The following SLC39A11 variants were observed in gnomAD, a reference collection of about 807,000 sequenced individuals.
The protein encoded by SLC39A11 is zinc transporter ZIP11.
Under a neutral mutation model 36.1 loss-of-function variants are expected in SLC39A11, and 33 were observed. The observed-to-expected ratio is 0.91, with a 90% confidence interval of 0.69 to 1.22. The LOEUF (loss-of-function observed/expected upper bound fraction) is 1.22, where lower values mean the gene tolerates loss of function less well. SLC39A11 is among the 50% of genes most tolerant of loss of function. The pLI, the probability that SLC39A11 is intolerant of heterozygous loss-of-function variation, is 0.00. For synonymous variants in SLC39A11, 166 were observed against 170.3 expected, an observed-to-expected ratio of 0.97 and a Z score of 0.20; for missense variants, 432 against 430.3, an observed-to-expected ratio of 1.00 and a Z score of -0.03.
intron 4 of SLC39A11, among the ~76,000 whole-genome samples, chr17:72,949,177 T>TTTTTTTTTTTG (rs2085676615): frequency 8.8e-6 from 1 of 113,034 alleles, no homozygotes; most frequent in African/African-American, 4.7e-5. Flanking sequence ...TTTTTTTTTT[T>TTTTTTTTTTTG]GAGACAGAGT....
At chr17:72,694,084 T>C (rs1462963093) in intron 7 of SLC39A11, among the ~76,000 whole-genome samples, 1 of 152,138 alleles carries the variant, frequency 6.6e-6, no homozygotes, top group Non-Finnish European at 1.5e-5. Flanking sequence ...AGGAGGAAGA[T>C]AGAGGAGGTT....
At chr17:73,054,762 C>T (rs917379413) in intron 3 of SLC39A11, among the ~76,000 whole-genome samples, 1 of 145,926 alleles carries the variant, frequency 6.9e-6, no homozygotes, top group Admixed American at 7.1e-5. Context: ...GAGCCAAGAT[C>T]GTGCCATTGC....
chr17:72,699,054 C>G (rs1339766567), intron 7 of SLC39A11, among the ~76,000 whole-genome samples: 2 of 152,146 alleles, frequency 1.3e-5, no homozygotes, highest in Non-Finnish European at 2.9e-5. Context: ...TGGTCTCGAT[C>G]TCCTGACCTT....
intron 7 of SLC39A11, among the ~76,000 whole-genome samples, chr17:72,692,261 T>C (rs529732499): frequency 6.6e-6 from 1 of 152,180 alleles, no homozygotes; most frequent in Non-Finnish European, 1.5e-5. Flanking sequence ...ACCACCCGCC[T>C]CGGCCTCCCA....
Position 72,846,018 on chromosome 17 carries a change from C to CTTT in SLC39A11, c.601+3613_601+3615dup, listed in dbSNP as rs569100122. ...CCAATGAATCTCTCTCTCTCTCTCT[C>CTTT]TTTTTTTTTTTTTTTTTTTTTTTTT... On this transcript the variant is annotated intron_variant, in intron 6 of 9. Transcript: ENST00000255559. Among the ~76,000 whole-genome samples the CTTT allele has an allele frequency of 6.4e-3, 371 of 57,942 alleles. 61 individuals carry two copies. Among genetic ancestry groups the CTTT allele is most frequent in the African/African-American group, 0.022 (259 of 11,702 alleles). 38.0% of individuals were successfully genotyped at this position (57,942 alleles called of 152,430 possible). A position where few individuals can be genotyped will look rare whatever the true frequency, so the allele number is the denominator to read the frequency against.
At chr17:72,890,375 C>T (rs1250862180) in intron 5 of SLC39A11, among the ~76,000 whole-genome samples, 1 of 151,666 alleles carries the variant, frequency 6.6e-6, no homozygotes, top group Non-Finnish European at 1.5e-5. Flanking sequence ...TCAACTAGAC[C>T]AGTCATAGTA....
intron 5 of SLC39A11, among the ~76,000 whole-genome samples, chr17:72,882,132 C>G (rs1295018360): frequency 6.6e-6 from 1 of 152,152 alleles, no homozygotes; most frequent in Non-Finnish European, 1.5e-5. Context: ...GTGGGTGGAT[C>G]ACCAGAGGTC....
intron 4 of SLC39A11, among the ~76,000 whole-genome samples, chr17:72,999,888 G>A (rs181715454): frequency 8.5e-5 from 13 of 152,062 alleles, no homozygotes; most frequent in South Asian, 4.2e-4. Flanking sequence ...TTACAGGCAC[G>A]CGCCACCACA....
At chr17:72,793,378 C>T (rs2145109734) in intron 6 of SLC39A11, among the ~76,000 whole-genome samples, 1 of 152,282 alleles carries the variant, frequency 6.6e-6, no homozygotes, top group South Asian at 2.1e-4. Flanking sequence ...GACCCCACCC[C>T]TCCCTACTGT....
At chr17:72,957,367 A>G (rs1305391311) in intron 4 of SLC39A11, among the ~76,000 whole-genome samples, 2 of 152,222 alleles carry the variant, frequency 1.3e-5, no homozygotes, top group African/African-American at 2.4e-5. Context: ...GTGTAATATG[A>G]GGAACCCCAG....
chr17:73,058,958 TA>T lies in SLC39A11; in HGVS notation c.147+25849del, dbSNP rs369811634. Among the ~76,000 whole-genome samples the T allele has an allele frequency of 2.5e-3, 373 of 148,948 alleles. 1 individual carries two copies. Among genetic ancestry groups the T allele is most frequent in the East Asian group, 0.011 (56 of 5,128 alleles). ...TAGTGAGCAATTAAATAATAACTGT[TA>T]AAAAAAAAAGAATAAATTAGGTGAA... On this transcript the variant is annotated intron_variant, in intron 3 of 9. Transcript: ENST00000255559.
chr17:72,915,425 C>T (rs1012137005), intron 5 of SLC39A11, among the ~76,000 whole-genome samples: 3 of 152,222 alleles, frequency 2.0e-5, no homozygotes, highest in South Asian at 2.1e-4. Context: ...GCTCTAGTCC[C>T]GGCTTTCCCC....
intron 3 of SLC39A11, among the ~76,000 whole-genome samples, chr17:73,081,668 CACAT>C (rs1568242889): frequency 1.1e-4 from 7 of 64,984 alleles, no homozygotes; most frequent in African/African-American, 2.7e-4. Context: ...CACACACACA[CACAT>C]ATATATACAC....
intron 6 of SLC39A11, among the ~76,000 whole-genome samples, chr17:72,775,785 T>C (rs1226000562): frequency 6.6e-6 from 1 of 152,180 alleles, no homozygotes. Context: ...GGTCCAGCGA[T>C]TGAAGAACCT....
At position 72,954,704 on chromosome 17, in the gene SLC39A11, G is replaced by A. The variant is rs116600464; in HGVS notation, c.307-6829C>T. Among the ~76,000 whole-genome samples the A allele has an allele frequency of 7.9e-3, 1,208 of 152,228 alleles. 15 individuals are homozygous for A. The highest frequency in any genetic ancestry group is 0.027 in the African/African-American group (1,141 of 41,532). ...CATAATGGAAAAAAAATTAAATGTC[G>A]CCCCTGATCAACAGTCAGAATATGG... On this transcript the variant is annotated intron_variant, in intron 4 of 9. Transcript: ENST00000255559.
intron 3 of SLC39A11, among the ~76,000 whole-genome samples, chr17:73,060,313 GA>G (rs1325262069): frequency 6.7e-6 from 1 of 150,302 alleles, no homozygotes; most frequent in Non-Finnish European, 1.5e-5. Flanking sequence ...ACTGGCAAAG[GA>G]AATGAAGACT....
chr17:72,647,757 G>A, intron 9 of SLC39A11, 95 bp from the exon 10 acceptor site: 1 of 897,000 alleles, frequency 1.1e-6, no homozygotes, highest in African/African-American at 1.7e-5. Flanking sequence ...AATTCCAAGA[G>A]AAAGCACACT....
At chr17:72,984,283 T>G (rs967314396) in intron 4 of SLC39A11, among the ~76,000 whole-genome samples, 2 of 151,010 alleles carry the variant, frequency 1.3e-5, no homozygotes, top group African/African-American at 4.9e-5. Flanking sequence ...CACCCCAGGA[T>G]GGGCACAGAA....
intron 5 of SLC39A11, among the ~76,000 whole-genome samples, chr17:72,910,903 G>A (rs186898018): frequency 7.3e-4 from 106 of 145,762 alleles, no homozygotes; most frequent in Non-Finnish European, 1.2e-3. Context: ...CTCCAGCCTG[G>A]GCAACAGAGC....
Sources: allele counts gnomAD v4.1 joint callset (sites outside exome capture counted in the v4.1 genomes callset), GRCh38; gene constraint gnomAD v4.1.1; transcripts MANE v1.5; gene names NCBI Gene and HGNC (gene_info 2026-07-23, HGNC 2026-07-21).